Variants in PCED1B observed in about 807,000 individuals in gnomAD.
The protein encoded by PCED1B is PC-esterase domain-containing protein 1B.
For missense variants in PCED1B, 573 were observed against 573.9 expected, an observed-to-expected ratio of 1.00 and a Z score of 0.02; for synonymous variants, 251 against 246.1, an observed-to-expected ratio of 1.02 and a Z score of -0.19.
At chr12:47,197,238 CAAAAAAAAAAAAAAA>C (rs57095369) in intron 2 of PCED1B, among the ~76,000 whole-genome samples, 1 of 58,616 alleles carries the variant, frequency 1.7e-5, no homozygotes, top group East Asian at 6.2e-4. Flanking sequence ...GACTCTGTCT[CAAAAAAAAAAAAAAA>C]AAAAAAAAGA....
intron 3 of PCED1B, among the ~76,000 whole-genome samples, chr12:47,220,988 G>A (rs1429216976): frequency 1.3e-5 from 2 of 151,992 alleles, no homozygotes; most frequent in Non-Finnish European, 1.5e-5. Flanking sequence ...CAAGAAGAAA[G>A]GATCATATCC....
intron 2 of PCED1B, among the ~76,000 whole-genome samples, chr12:47,114,488 C>T (rs923967669): frequency 2.0e-5 from 3 of 152,202 alleles, no homozygotes; most frequent in African/African-American, 7.2e-5. Context: ...ACCCCTGCAC[C>T]AGAGACAGAG....
rs1938842040 is a variant in PCED1B, at chr12:47,104,188, A to G, written c.-533A>G. 1 of 152,176 alleles carries G rather than the reference A, an allele frequency of 6.6e-6. No individual in the cohort carries two copies. The highest frequency in any genetic ancestry group is 2.4e-5 in the African/African-American group (1 of 41,446). The allele number at this position is 152,176 out of a possible 1,614,324, so 9.4% of individuals were successfully genotyped here. A position where few individuals can be genotyped will look rare whatever the true frequency, so the allele number is the denominator to read the frequency against. On this transcript the variant is annotated 5_prime_UTR_variant, in exon 2 of 4. Transcript: ENST00000546455. ...GGGAGTGTTGAAGACTCTGCCTCCT[A>G]CAAATATGTGAGTTTTTCTCCCCTG...
intron 2 of PCED1B, among the ~76,000 whole-genome samples, chr12:47,109,815 TC>T (rs1322987766): frequency 6.6e-6 from 1 of 152,166 alleles, no homozygotes; most frequent in Non-Finnish European, 1.5e-5. Context: ...AATAAGAATC[TC>T]TGGGAGTAGG....
At chr12:47,211,015 A>T (rs534161572) in intron 2 of PCED1B, among the ~76,000 whole-genome samples, 29 of 152,378 alleles carry the variant, frequency 1.9e-4, no homozygotes, top group South Asian at 2.1e-4. Flanking sequence ...AATATTCATC[A>T]TAAAAGAATA....
chr12:47,090,692 G>T lies in PCED1B; in HGVS notation c.-609+10967G>T, dbSNP rs1938225674. ...ACCTGTTTTTATACTTTGTATAAAT[G>T]GAATATATGCTTTTTTGTGTCTGGT... On this transcript the variant is annotated intron_variant, in intron 1 of 3. Coordinates refer to ENST00000546455, the MANE Select transcript of PCED1B (RefSeq NM_138371.3). Among the ~76,000 whole-genome samples the T allele has an allele frequency of 2.0e-5, 3 of 152,198 alleles. No homozygotes were observed. The South Asian group carries it at 6.2e-4, about 32-fold the overall frequency.
chr12:47,204,094 G>A (rs1033800457), intron 2 of PCED1B, among the ~76,000 whole-genome samples: 1 of 152,084 alleles, frequency 6.6e-6, no homozygotes, highest in African/African-American at 2.4e-5. Flanking sequence ...ACAGGCATGT[G>A]CCATCATGCC....
intron 2 of PCED1B, among the ~76,000 whole-genome samples, chr12:47,176,109 TG>T (rs1941916424): frequency 6.6e-6 from 1 of 152,072 alleles, no homozygotes. Context: ...AAAAAGTGGC[TG>T]GATTTCATAC....
intron 2 of PCED1B, among the ~76,000 whole-genome samples, chr12:47,195,529 T>C (rs1592268407): frequency 6.6e-6 from 1 of 152,174 alleles, no homozygotes; most frequent in East Asian, 1.9e-4. Flanking sequence ...TCTTTCTAAA[T>C]TCACTTAGAG....
chr12:47,189,557 A>T (rs546434981), intron 2 of PCED1B, among the ~76,000 whole-genome samples: 1 of 152,164 alleles, frequency 6.6e-6, no homozygotes, highest in Admixed American at 6.5e-5. Context: ...AGTTTACAAG[A>T]TCCCTGAACA....
chr12:47,190,235 C>T (rs376741057), intron 2 of PCED1B, among the ~76,000 whole-genome samples: 2 of 152,234 alleles, frequency 1.3e-5, no homozygotes, highest in African/African-American at 4.8e-5. Context: ...TATCCCACCC[C>T]GTTCTTCCCA....
At chr12:47,210,190 C>T (rs959309123) in intron 2 of PCED1B, 1 of 152,204 alleles carries the variant, frequency 6.6e-6, no homozygotes, top group Non-Finnish European at 1.5e-5. Flanking sequence ...CATTTCTTTA[C>T]TGTTAGCTAT....
In PCED1B at chr12:47,235,920, C is replaced by A; in HGVS notation, c.857C>A (p.Pro286Gln). The A allele has an allele frequency of 6.2e-7, 1 of 1,609,218 alleles. No individual in the cohort carries two copies. Among genetic ancestry groups the A allele is most frequent in the Admixed American group, 1.7e-5 (1 of 59,040 alleles). The change falls in exon 4 of 4, where the codon CCG (proline) becomes CAG (glutamine). Residue 286 changes from proline (P) to glutamine (Q), a missense_variant. Pro to Gln is a moderately conservative substitution (Grantham distance 76). Transcript: ENST00000546455. ...EGPPQANRNHPALPLSPPLPS... is the reference protein window; with the variant it reads ...EGPPQANRNHQALPLSPPLPS... ...CCGCCCCAGGCCAACAGAAATCACCCGGCCTTACCTCTGTCCCCACCCTTA... is the reference window on the plus strand; with the variant it reads ...CCGCCCCAGGCCAACAGAAATCACCAGGCCTTACCTCTGTCCCCACCCTTA...
At chr12:47,149,510 GGT>G (rs1176803076) in intron 2 of PCED1B, among the ~76,000 whole-genome samples, 1 of 152,162 alleles carries the variant, frequency 6.6e-6, no homozygotes, top group African/African-American at 2.4e-5. Context: ...CCTACCTATA[GGT>G]GCACTTATGT....
chr12:47,215,500 C>T (rs1280531635), intron 2 of PCED1B, among the ~76,000 whole-genome samples: 4 of 151,956 alleles, frequency 2.6e-5, no homozygotes, highest in African/African-American at 7.2e-5. Flanking sequence ...GTGATCCACC[C>T]GCCTCGGCCT....
chr12:47,207,348 G>C (rs1341323374), intron 2 of PCED1B, among the ~76,000 whole-genome samples: 1 of 151,992 alleles, frequency 6.6e-6, no homozygotes, highest in Non-Finnish European at 1.5e-5. Context: ...TCATCTGGTA[G>C]CACAGATAAG....
chr12:47,135,050 G>A (rs551769456), intron 2 of PCED1B, among the ~76,000 whole-genome samples: 1 of 152,136 alleles, frequency 6.6e-6, no homozygotes, highest in South Asian at 2.1e-4. Flanking sequence ...ACCAGTATTT[G>A]CACCGATGGA....
intron 2 of PCED1B, among the ~76,000 whole-genome samples, chr12:47,170,213 G>T (rs1045171448): frequency 1.3e-5 from 2 of 152,058 alleles, no homozygotes; most frequent in African/African-American, 2.4e-5. Flanking sequence ...GGGGTTGGGG[G>T]TAAGGTTATA....
chr12:47,104,066 G>C (rs1938837596), intron 1 of PCED1B, 47 bp from the exon 2 acceptor site: 1 of 152,136 alleles, frequency 6.6e-6, no homozygotes, highest in Non-Finnish European at 1.5e-5. Context: ...CCCCTCATTA[G>C]GGGTGATGGA....
Sources: gnomAD v4.1 joint callset for allele counts (sites outside exome capture counted in the v4.1 genomes callset) on GRCh38, gnomAD v4.1.1 for gene constraint, MANE v1.5 for transcripts, NCBI Gene and HGNC (gene_info 2026-07-23, HGNC 2026-07-21) for gene names.